The following KIR3DL1 variants were observed in gnomAD, a reference collection of about 807,000 sequenced individuals.
KIR3DL1 encodes killer cell immunoglobulin-like receptor 3DL1.
In KIR3DL1, 50 loss-of-function variants were observed where a neutral mutation model predicts 40.3. The observed-to-expected ratio is 1.24, with a 90% CI of 0.99 to 1.57. The LOEUF (loss-of-function observed/expected upper bound fraction) is 1.57, where lower values mean the gene tolerates loss of function less well. Ranked by LOEUF, KIR3DL1 falls within the 40% of genes most tolerant of loss-of-function variation. The pLI is 0.00. For missense variants in KIR3DL1, 661 were observed against 559.9 expected (o/e 1.18, Z -1.82); for synonymous variants, 257 against 207.2 (o/e 1.24, Z -2.07).
At chr19:54,823,031 CT>C (rs200236016) in intron 5 of KIR3DL1, among the ~76,000 whole-genome samples, 1,892 of 137,408 alleles carry the variant, frequency 0.014, 73 homozygotes, top group African/African-American at 0.046. Context: ...TGAAAGTTCT[CT>C]TTTTTTTTTT....
chr19:54,824,945 G>A, intron 5 of KIR3DL1, 83 bp from the exon 6 acceptor site: 2 of 994,148 alleles, frequency 2.0e-6, no homozygotes, highest in South Asian at 1.3e-5. Context: ...CAGAGTGTTG[G>A]CCATGAACCA....
intron 6 of KIR3DL1, among the ~76,000 whole-genome samples, chr19:54,827,606 CTCCA>C (rs1309234891): frequency 3.3e-5 from 5 of 150,450 alleles, no homozygotes; most frequent in African/African-American, 1.2e-4. Flanking sequence ...CACAAGGAGA[CTCCA>C]TCTCAAAAAA....
intron 2 of KIR3DL1, among the ~76,000 whole-genome samples, chr19:54,817,932 T>C (rs1298974212): frequency 1.4e-5 from 2 of 145,390 alleles, no homozygotes; most frequent in African/African-American, 2.7e-5. Flanking sequence ...GCGGTCTTTC[T>C]ACCAGAAAAG....
rs114206508 is a variant in KIR3DL1 at position 54,830,377 on chromosome 19, G to A, written c.*102G>A. 69 of 1,286,754 alleles carry A rather than the reference G, an allele frequency of 5.4e-5. 12 individuals carry two copies. Among genetic ancestry groups the A allele is most frequent in the Middle Eastern group, 3.8e-4 (2 of 5,284 alleles). 79.7% of individuals were successfully genotyped at this position (1,286,754 alleles called of 1,614,324 possible). On this transcript the variant is annotated 3_prime_UTR_variant, in exon 9 of 9. Transcript: ENST00000391728. ...GTACCAGCAGCTGGAATCTGAAGGC[G>A]TGAGTCTTCATCTTAGGGCATCGCT... is the stretch of plus-strand genomic sequence containing the variant.
chr19:54,819,588 A>G (rs1431211124), intron 3 of KIR3DL1, 125 bp from the exon 4 acceptor site: 2 of 1,188,570 alleles, frequency 1.7e-6, no homozygotes, highest in African/African-American at 3.1e-5. Flanking sequence ...GGCACAGAAA[A>G]GACACGGAGA....
At chr19:54,824,913 C>G in intron 5 of KIR3DL1, 115 bp from the exon 6 acceptor site, 2 of 996,908 alleles carry the variant, frequency 2.0e-6, no homozygotes, top group East Asian at 2.4e-5. Context: ...TCCCAAGACT[C>G]CCAGGGTCCA....
chr19:54,824,097 G>A (rs2061768663), intron 5 of KIR3DL1, among the ~76,000 whole-genome samples: 1 of 151,444 alleles, frequency 6.6e-6, no homozygotes, highest in Non-Finnish European at 1.5e-5. Flanking sequence ...TGCTTGGTTT[G>A]ATGTAATCCT....
rs1337810695 is a variant in KIR3DL1 at position 54,826,071 on chromosome 19, C to G, written c.1000+993C>G. Among the ~76,000 whole-genome samples the G allele has an allele frequency of 1.1e-4, 17 of 151,240 alleles. 1 individual carries two copies. Among genetic ancestry groups the G allele is most frequent in the Admixed American group, 5.9e-4 (9 of 15,240 alleles). On this transcript the variant is annotated intron_variant, in intron 6 of 8. Coordinates refer to ENST00000391728, the Ensembl canonical transcript of KIR3DL1. ...TAGCAACCGTAATTCCATCTGCAAT[C>G]TTCATTCCTTCTTTCCATGTAAAAT...
Position 54,818,321 on chromosome 19 carries a change from A to G in KIR3DL1, c.77A>G (p.Gln26Arg), listed in dbSNP as rs539277916. The G allele has an allele frequency of 2.5e-4, 407 of 1,598,940 alleles. 17 individuals are homozygous for G. In the African/African-American group the frequency reaches 3.9e-3, roughly 15 times the overall value. The change falls in exon 3 of 9, where the codon CAG becomes CGG. Residue 26 changes from glutamine (Q) to arginine (R), a missense_variant. Coordinates refer to ENST00000391728, the Ensembl canonical transcript of KIR3DL1. ...GTGCCTCCTTCTCCCCCAGGTGGTC[A>G]GGACAAACCCTTCCTGTCTGCCTGG...
intron 2 of KIR3DL1, 77 bp downstream of exon 2, chr19:54,817,646 C>A: frequency 8.2e-7 from 1 of 1,215,358 alleles, no homozygotes; most frequent in South Asian, 1.3e-5. Flanking sequence ...GAAGTCCTGT[C>A]GGGGAGTCTC....
At chr19:54,826,939 A>G (rs139267239) in intron 6 of KIR3DL1, among the ~76,000 whole-genome samples, 1,935 of 147,516 alleles carry the variant, frequency 0.013, no homozygotes, top group Non-Finnish European at 0.017. Context: ...ACTCACAGCC[A>G]TTGGATTCAC....
chr19:54,821,666 T>C lies in KIR3DL1; in HGVS notation c.757T>C (p.Tyr253His), dbSNP rs1156478867. The change falls in exon 5 of 9, where the codon TAC (tyrosine) becomes CAC (histidine). Residue 253 changes from tyrosine to histidine, a missense_variant. Transcript: ENST00000391728. ...TAGCTCCCGGAGCTCCTATGACATGTACCATCTATCCAGGGAGGGGGGAGC... is the reference window on the plus strand; with the variant it reads ...TAGCTCCCGGAGCTCCTATGACATGCACCATCTATCCAGGGAGGGGGGAGC... The C allele has an allele frequency of 1.9e-6, 3 of 1,610,006 alleles. 1 individual carries two copies. In the South Asian group the frequency reaches 3.3e-5, roughly 18 times the overall value.
At chr19:54,821,583 C>T in exon 5 of KIR3DL1, 2 of 1,606,894 alleles carry the variant, frequency 1.2e-6, no homozygotes, top group Non-Finnish European at 1.7e-6. Flanking sequence ...GAGAAACCTT[C>T]TCTCTCAGCC....
chr19:54,816,669 G>T, intron 1 of KIR3DL1, 135 bp downstream of exon 1: 1 of 1,387,620 alleles, frequency 7.2e-7, no homozygotes. Flanking sequence ...TCTGGGCCTG[G>T]AGTGGAGATC....
rs578001892 is a variant in KIR3DL1 at position 54,818,898 on chromosome 19, A to G, written c.355+299A>G. Among the ~76,000 whole-genome samples, 1,309 of 149,458 alleles carry G rather than the reference A, an allele frequency of 8.8e-3. 30 individuals carry two copies. Among genetic ancestry groups the G allele is most frequent in the African/African-American group, 0.031 (1,224 of 39,568 alleles). ...ATGGGGAGACAGCCTGGACTGTCCC[A>G]CTGGGCTCAGTGTAATCACAAGGGT... is the stretch of plus-strand genomic sequence containing the variant. On this transcript the variant is annotated intron_variant, in intron 3 of 8. Transcript: ENST00000391728.
rs2062132597 is a variant in KIR3DL1, at chr19:54,829,978, G to T, written c.1156G>T (p.Glu386Ter). Reference sequence around the variant, plus strand: ...TGCAGGGAACAGAACAGCCAACAGCGAGGTAGGTGCTCCTCGGCCCAGCCT... The same window carrying T: ...TGCAGGGAACAGAACAGCCAACAGCTAGGTAGGTGCTCCTCGGCCCAGCCT... The change falls in exon 8 of 9, where the codon GAG (glutamate) becomes TAG (stop). Residue 386 changes from glutamate (E) to a stop codon, truncating the protein, a stop_gained and splice_region_variant. Transcript: ENST00000391728. LOFTEE classifies it low-confidence loss of function (END_TRUNC). 1.3e-6 allele frequency: 2 copies of T among 1,528,714 alleles called. 1 individual carries two copies. Among genetic ancestry groups the T allele is most frequent in the Non-Finnish European group, 1.8e-6 (2 of 1,125,288 alleles). The allele number at this position is 1,528,714 out of a possible 1,614,324, so 94.7% of individuals were successfully genotyped here.
In KIR3DL1 at chr19:54,820,013, GT is replaced by G; in HGVS notation, c.655+2del. The G allele has an allele frequency of 1.9e-6, 3 of 1,609,184 alleles. No homozygotes were observed. Among genetic ancestry groups the G allele is most frequent in the Non-Finnish European group, 2.5e-6 (3 of 1,177,758 alleles). On this transcript the variant is annotated splice_donor_variant, in intron 4 of 8. Coordinates refer to ENST00000391728, the Ensembl canonical transcript of KIR3DL1. LOFTEE classifies it high-confidence loss of function. Reference sequence around the variant, plus strand: ...GATCCCCTGGACATCGTGGTCACAGGTGAGAGTGTCTAGACATTGTTCTCAT... The same window carrying G: ...GATCCCCTGGACATCGTGGTCACAGGGAGAGTGTCTAGACATTGTTCTCAT...
At chr19:54,819,659 A>G (rs2148086096) in intron 3 of KIR3DL1, 54 bp from the exon 4 acceptor site, 2 of 1,563,086 alleles carry the variant, frequency 1.3e-6, no homozygotes, top group South Asian at 1.1e-5. Context: ...TCCAGGTGCC[A>G]TGGATGGGAT....
chr19:54,829,448 G>GGT lies in KIR3DL1; in HGVS notation c.1090_1091dup (p.Ser365AlafsTer9). On this transcript the variant is annotated frameshift_variant, in exon 7 of 9. Transcript: ENST00000391728. LOFTEE classifies it high-confidence loss of function. ...CTCCTCTTCTTTCTCCTTCATCTCT[G>GGT]GTGCTCCAACAAAAAAAGTAAGTCT... The GGT allele has an allele frequency of 6.7e-7, 1 of 1,495,968 alleles. No homozygotes were observed. The highest frequency in any genetic ancestry group is 2.3e-5 in the East Asian group (1 of 42,660). 92.7% of individuals were successfully genotyped at this position (1,495,968 alleles called of 1,614,324 possible).
Sources: gnomAD v4.1 joint callset for allele counts (sites outside exome capture counted in the v4.1 genomes callset) on GRCh38, gnomAD v4.1.1 for gene constraint, MANE v1.5 for transcripts, NCBI Gene and HGNC (gene_info 2026-07-23, HGNC 2026-07-21) for gene names.